The following MTMR1 variants were observed in gnomAD, a reference collection of about 807,000 sequenced individuals.
MTMR1 encodes the protein phosphatidylinositol-3-phosphate phosphatase MTMR1.
MTMR1 carries 17 observed loss-of-function variants against 51.6 expected under a neutral mutation model. That is an observed-to-expected ratio of 0.33 (90% CI 0.23 to 0.49). The LOEUF is 0.49. MTMR1 is among the 20% of genes least tolerant of loss of function. The pLI is 0.99. For synonymous variants in MTMR1, 201 were observed against 205.6 expected, an observed-to-expected ratio of 0.98 and a Z score of 0.19; for missense variants, 386 against 526.9, an observed-to-expected ratio of 0.73 and a Z score of 2.62.
chrX:150,745,667 A>G (rs2042557731), intron 13 of MTMR1, among the ~76,000 whole-genome samples: 1 of 111,844 alleles, frequency 8.9e-6, no homozygotes, highest in African/African-American at 3.3e-5. Context: ...AACTCAGAAG[A>G]TGGCTCTCCA....
intron 1 of MTMR1, among the ~76,000 whole-genome samples, chrX:150,698,680 G>GCGCACACACACACACA (rs1491104991): frequency 4.8e-5 from 3 of 62,964 alleles, no homozygotes; most frequent in Admixed American, 1.9e-4. Context: ...ACACGCGCGC[G>GCGCACACACACACACA]CACACACACA....
At chrX:150,707,707 A>G (rs2041163649) in intron 2 of MTMR1, among the ~76,000 whole-genome samples, 2 of 112,267 alleles carry the variant, frequency 1.8e-5, no homozygotes, top group African/African-American at 6.5e-5. Flanking sequence ...ATGACCAAAC[A>G]ATTGTACTCC....
intron 6 of MTMR1, among the ~76,000 whole-genome samples, 154 bp downstream of exon 6, chrX:150,727,945 G>A (rs782635538): frequency 3.6e-5 from 4 of 111,508 alleles, no homozygotes; most frequent in African/African-American, 1.3e-4. Context: ...ATCTCATATC[G>A]AATTTAAACT....
chrX:150,711,694 C>T (rs113666598), intron 2 of MTMR1, among the ~76,000 whole-genome samples: 1 of 112,135 alleles, frequency 8.9e-6, no homozygotes, highest in Admixed American at 9.4e-5. Flanking sequence ...CCTCTTCCCG[C>T]GTGGAGCCCC....
intron 6 of MTMR1, 70 bp downstream of exon 6, chrX:150,727,861 T>C: frequency 1.3e-6 from 1 of 744,381 alleles, no homozygotes; most frequent in Non-Finnish European, 2.0e-6. Flanking sequence ...CCTCAGTCTC[T>C]TCATGGTCTT....
intron 9 of MTMR1, 50 bp from the exon 10 acceptor site, chrX:150,732,492 G>A (rs1557417025): frequency 9.4e-7 from 1 of 1,067,181 alleles, no homozygotes; most frequent in Non-Finnish European, 1.3e-6. Flanking sequence ...GGTAATTAGA[G>A]CATACATTCT....
At chrX:150,707,626 A>G (rs2041158841) in intron 2 of MTMR1, among the ~76,000 whole-genome samples, 1 of 112,511 alleles carries the variant, frequency 8.9e-6, no homozygotes, top group Admixed American at 9.4e-5. Flanking sequence ...GCTGATGGGA[A>G]TATAAAATGG....
intron 14 of MTMR1, 181 bp downstream of exon 14, chrX:150,751,024 T>C (rs782254536): frequency 8.6e-7 from 1 of 1,159,453 alleles, no homozygotes; most frequent in Non-Finnish European, 1.2e-6. Context: ...GCCCCTTCCT[T>C]TCTAGGCATG....
intron 3 of MTMR1, chrX:150,712,748 A>G (rs956641594): frequency 5.1e-6 from 1 of 194,407 alleles, no homozygotes; most frequent in African/African-American, 3.1e-5. Context: ...AACTAAAAAA[A>G]AAAAGGTTAG....
chrX:150,700,399 C>T (rs1406130853), intron 2 of MTMR1, among the ~76,000 whole-genome samples: 2 of 112,281 alleles, frequency 1.8e-5, no homozygotes, highest in Non-Finnish European at 3.8e-5. Context: ...CTGGCAGATG[C>T]TGTTGATTAT....
intron 12 of MTMR1, among the ~76,000 whole-genome samples, chrX:150,743,737 A>G (rs140774451): frequency 1.0e-3 from 116 of 112,271 alleles, no homozygotes; most frequent in Non-Finnish European, 1.6e-3. Flanking sequence ...CTATTTGTGT[A>G]TTTGAGAATA....
chrX:150,722,974 G>C (rs1232591454), intron 4 of MTMR1, among the ~76,000 whole-genome samples: 2 of 107,940 alleles, frequency 1.9e-5, no homozygotes, highest in African/African-American at 6.8e-5. Context: ...TTAGCATTAG[G>C]TATATCTCCT....
intron 9 of MTMR1, 31 bp downstream of exon 9, chrX:150,731,650 A>AAT: frequency 8.8e-7 from 1 of 1,131,901 alleles, no homozygotes; most frequent in Non-Finnish European, 1.2e-6. Context: ...TTTATATAGG[A>AAT]ATATATATTG....
intron 4 of MTMR1, among the ~76,000 whole-genome samples, chrX:150,725,005 T>G (rs1243043828): frequency 8.9e-6 from 1 of 112,039 alleles, no homozygotes; most frequent in Non-Finnish European, 1.9e-5. Flanking sequence ...GTTTGAAGTC[T>G]GGTAACATGA....
chrX:150,751,014 G>A (rs782587341), intron 14 of MTMR1, 171 bp downstream of exon 14: 2 of 1,153,516 alleles, frequency 1.7e-6, no homozygotes, highest in African/African-American at 3.6e-5. Flanking sequence ...TCTAACACAA[G>A]CCCCTTCCTT....
At chrX:150,710,141 A>C (rs1557416175) in intron 2 of MTMR1, among the ~76,000 whole-genome samples, 1 of 111,316 alleles carries the variant, frequency 9.0e-6, no homozygotes, top group African/African-American at 3.3e-5. Flanking sequence ...AGGGGTCAAA[A>C]TAGGTTTAGG....
intron 15 of MTMR1, among the ~76,000 whole-genome samples, chrX:150,760,722 G>A (rs1489662126): frequency 6.3e-5 from 7 of 111,434 alleles, no homozygotes; most frequent in Admixed American, 2.9e-4. Context: ...TCAGGAGTTC[G>A]AGACTAGCCT....
chrX:150,762,490 C>T, intron 15 of MTMR1, 75 bp from the exon 16 acceptor site: 1 of 1,171,568 alleles, frequency 8.5e-7, no homozygotes, highest in Non-Finnish European at 1.2e-6. Context: ...CTCCTGAAGC[C>T]AACAGCATCT....
In MTMR1 at chrX:150,763,643, C is replaced by G. The variant is rs2043209314; in HGVS notation, c.*914C>G. Reference sequence around the variant, plus strand: ...CTGCTGGGATCAAAGCAAGTCTGTTCTTATGTTATTTGCCTGTATGAAATC... The same window carrying G: ...CTGCTGGGATCAAAGCAAGTCTGTTGTTATGTTATTTGCCTGTATGAAATC... On this transcript the variant is annotated 3_prime_UTR_variant, in exon 16 of 16. Coordinates refer to ENST00000445323, the MANE Select transcript of MTMR1 (RefSeq NM_001306144.3). 1.8e-5 allele frequency: 2 copies of G among 113,073 alleles called. No individual in the cohort carries two copies. Among genetic ancestry groups the G allele is most frequent in the African/African-American group, 6.4e-5 (2 of 31,188 alleles). 9.3% of individuals were successfully genotyped at this position (113,073 alleles called of 1,213,427 possible).
Sources: gnomAD v4.1 joint callset for allele counts (sites outside exome capture counted in the v4.1 genomes callset) on GRCh38, gnomAD v4.1.1 for gene constraint, MANE v1.5 for transcripts, NCBI Gene and HGNC (gene_info 2026-07-23, HGNC 2026-07-21) for gene names.